METTL2A: variants seen among roughly 807,000 people sequenced by gnomAD.
The protein encoded by METTL2A is methyltransferase 2A, tRNA N3-cytidine, also known as tRNA N(3)-cytidine methyltransferase METTL2A.
METTL2A carries 45 observed loss-of-function variants against 49.4 expected under a neutral mutation model. The ratio of observed to expected loss-of-function variants is 0.91; its 90% CI spans 0.72 to 1.17. METTL2A has a LOEUF of 1.17. METTL2A is among the 50% of genes most tolerant of loss of function. The pLI, the probability that METTL2A is intolerant of heterozygous loss-of-function variation, is 0.00. For missense variants in METTL2A, 361 were observed against 462.2 expected (o/e 0.78, Z 2.01); for synonymous variants, 118 against 167.5 (o/e 0.70, Z 2.28).
At position 62,440,689 on chromosome 17, in the gene METTL2A, C is replaced by T; in HGVS notation, c.742C>T (p.Pro248Ser). 6.2e-7 allele frequency: 1 copy of T among 1,613,914 alleles called. No homozygotes were observed. Among genetic ancestry groups the T allele is most frequent in the Non-Finnish European group, 8.5e-7 (1 of 1,179,972 alleles). ...HDLCDEEKSY[P>S]VPKGSLDIII... Reference sequence around the variant, plus strand: ...CCTGTGTGATGAAGAGAAGAGTTACCCAGTGCCCAAGGGCAGTCTTGATAT... The same window carrying T: ...CCTGTGTGATGAAGAGAAGAGTTACTCAGTGCCCAAGGGCAGTCTTGATAT... The change falls in exon 6 of 9, where the codon CCA becomes TCA. Residue 248 changes from proline (P) to serine (S), a missense_variant. By Grantham distance (74) the Pro-to-Ser change is moderately conservative (BLOSUM62 -1). This residue lies in a region of METTL2A where 183 missense variants were observed against 216.5 expected (regional missense o/e 0.85). Transcript: ENST00000311506.
chr17:62,446,122 C>T (rs2070766865), intron 7 of METTL2A, among the ~76,000 whole-genome samples: 1 of 152,164 alleles, frequency 6.6e-6, no homozygotes, highest in Non-Finnish European at 1.5e-5. Flanking sequence ...GAAAGAGGTG[C>T]ATTCCTTCAT....
intron 7 of METTL2A, 28 bp from the exon 8 acceptor site, chr17:62,447,673 C>T (rs756953490): frequency 2.5e-6 from 4 of 1,613,128 alleles, no homozygotes; most frequent in Non-Finnish European, 3.4e-6. Flanking sequence ...TTTTAAGTGT[C>T]TCTGATTTTT....
chr17:62,448,927 A>G lies in METTL2A; in HGVS notation c.*198A>G, dbSNP rs1282964135. On this transcript the variant is annotated 3_prime_UTR_variant, in exon 9 of 9. Coordinates refer to ENST00000311506, the MANE Select transcript of METTL2A (RefSeq NM_181725.4). ...TGTATCTGAAAGTAATAATAAAAAT[A>G]AAAAATATAAATGAGGTCTCGTTGA... The G allele has an allele frequency of 1.5e-6, 1 of 662,142 alleles. No homozygotes were observed. Among genetic ancestry groups the G allele is most frequent in the Non-Finnish European group, 2.2e-6 (1 of 447,260 alleles). The allele number at this position is 662,142 out of a possible 1,614,324, so 41.0% of individuals were successfully genotyped here.
At chr17:62,441,694 C>T (rs879726026) in intron 6 of METTL2A, among the ~76,000 whole-genome samples, 30 of 151,274 alleles carry the variant, frequency 2.0e-4, no homozygotes, top group Non-Finnish European at 2.8e-4. Flanking sequence ...ATCTGCTTGC[C>T]TCAACCTTGC....
In METTL2A at chr17:62,424,262, A is replaced by G. The variant is rs1421125053; in HGVS notation, c.154A>G (p.Arg52Gly). Reference sequence around the variant, plus strand: ...GGAAGAGCAAGCCGCGGCGGCGGAGAGAAAAGTCCAGGAGAACAGTATCCA... The same window carrying G: ...GGAAGAGCAAGCCGCGGCGGCGGAGGGAAAAGTCCAGGAGAACAGTATCCA... Reference protein sequence around the residue: ...WSEEQAAAAERKVQENSIQRV... With the variant: ...WSEEQAAAAEGKVQENSIQRV... Residue 52 changes from arginine to glycine, a missense_variant, in exon 2 of 9, where the codon AGA (arginine) becomes GGA (glycine). This residue lies in a region of METTL2A where 150 missense variants were observed against 170.1 expected (regional missense o/e 0.88). Transcript: ENST00000311506. The G allele has an allele frequency of 3.7e-6, 6 of 1,614,060 alleles. No individual in the cohort carries two copies. Among genetic ancestry groups the G allele is most frequent in the Admixed American group, 1.7e-5 (1 of 60,004 alleles).
intron 4 of METTL2A, among the ~76,000 whole-genome samples, chr17:62,429,584 C>T (rs1022575024): frequency 5.9e-5 from 9 of 152,096 alleles, no homozygotes; most frequent in African/African-American, 2.2e-4. Context: ...AGCCACCGCG[C>T]CCAGCCTGCT....
chr17:62,449,640 G>T lies in METTL2A; in HGVS notation c.*911G>T. Reference sequence around the variant, plus strand: ...CAGGAGAATTGCTTGAACCCAGGAGGCAGAGGTTGCAGTGAGCTGAGATTG... The same window carrying T: ...CAGGAGAATTGCTTGAACCCAGGAGTCAGAGGTTGCAGTGAGCTGAGATTG... On this transcript the variant is annotated 3_prime_UTR_variant, in exon 9 of 9. Transcript: ENST00000311506. 1 of 268,992 alleles carries T rather than the reference G, an allele frequency of 3.7e-6. No homozygotes were observed. The allele number at this position is 268,992 out of a possible 1,614,324, so 16.7% of individuals were successfully genotyped here. A position where few individuals can be genotyped will look rare whatever the true frequency, so the allele number is the denominator to read the frequency against.
At position 62,449,465 on chromosome 17, in the gene METTL2A, C is replaced by T. The variant is rs2070791565; in HGVS notation, c.*736C>T. 1.6e-5 allele frequency: 7 copies of T among 439,366 alleles called. No individual in the cohort carries two copies. The highest frequency in any genetic ancestry group is 1.1e-4 in the South Asian group (7 of 62,316). 27.2% of individuals were successfully genotyped at this position (439,366 alleles called of 1,614,324 possible). A position where few individuals can be genotyped will look rare whatever the true frequency, so the allele number is the denominator to read the frequency against. ...GTGGCTCACACCTGTAATCCCAGCA[C>T]TTTGGGAGGCCAAGGCGGGCGGATC... On this transcript the variant is annotated 3_prime_UTR_variant, in exon 9 of 9. Transcript: ENST00000311506.
intron 6 of METTL2A, 48 bp downstream of exon 6, chr17:62,440,804 G>C: frequency 6.3e-7 from 1 of 1,588,768 alleles, no homozygotes. Context: ...GGAAGCTTTG[G>C]TGAGGGACCT....
At chr17:62,432,138 C>G (rs1485823886) in intron 4 of METTL2A, among the ~76,000 whole-genome samples, 2 of 152,174 alleles carry the variant, frequency 1.3e-5, no homozygotes, top group African/African-American at 4.8e-5. Context: ...CTCCCCATTT[C>G]CCAATTTCCC....
intron 4 of METTL2A, among the ~76,000 whole-genome samples, chr17:62,431,212 G>C (rs2070662989): frequency 6.6e-6 from 1 of 151,864 alleles, no homozygotes; most frequent in Non-Finnish European, 1.5e-5. Context: ...TGTTGGCCAG[G>C]CGGGTCTCGA....
chr17:62,424,530 C>T (rs2144131841), intron 2 of METTL2A, among the ~76,000 whole-genome samples: 1 of 152,202 alleles, frequency 6.6e-6, no homozygotes, highest in African/African-American at 2.4e-5. Context: ...TATAGTTTTA[C>T]TTTGGAGGAG....
rs2070787060 is a variant in METTL2A at position 62,448,872 on chromosome 17, G to A, written c.*143G>A. On this transcript the variant is annotated 3_prime_UTR_variant, in exon 9 of 9. Transcript: ENST00000311506. ...CGGGGAGGATCCATTGAGCCCAGCA[G>A]TCCAACCTGGGCAAAATAGTGAGAG... The A allele has an allele frequency of 7.6e-7, 1 of 1,319,496 alleles. No homozygotes were observed. The highest frequency in any genetic ancestry group is 1.8e-5 in the South Asian group (1 of 55,450). 81.7% of individuals were successfully genotyped at this position (1,319,496 alleles called of 1,614,324 possible). A position where few individuals can be genotyped will look rare whatever the true frequency, so the allele number is the denominator to read the frequency against.
rs776701783 is a variant in METTL2A at position 62,444,883 on chromosome 17, G to A, written c.856G>A (p.Gly286Arg). The A allele has an allele frequency of 6.2e-6, 10 of 1,613,988 alleles. No individual in the cohort carries two copies. Among genetic ancestry groups the A allele is most frequent in the Admixed American group, 1.7e-5 (1 of 59,984 alleles). The change falls in exon 7 of 9, where the codon GGG becomes AGG. Residue 286 changes from glycine (G) to arginine (R), a missense_variant. Around this residue, in one of 3 missense-constraint regions of METTL2A, gnomAD observed 183 missense variants for 216.5 expected, o/e 0.85. Coordinates refer to ENST00000311506, the MANE Select transcript of METTL2A (RefSeq NM_181725.4). ...NRLSRLLKPG[G>R]MMLLRDYGRY... ...GCTGAGCAGGCTTCTGAAACCTGGC[G>A]GGATGATGCTTCTGCGAGATTACGG...
At chr17:62,445,057 A>G in intron 7 of METTL2A, 114 bp downstream of exon 7, 1 of 1,162,722 alleles carries the variant, frequency 8.6e-7, no homozygotes. Context: ...AAAACCAAAC[A>G]CCACTTTTTC....
rs1343839735 is a variant in METTL2A at position 62,440,646 on chromosome 17, T to C, written c.699T>C (p.Cys233=). The part of the protein sequence containing the change: ...QTNSEYDPSR[C]FAFVHDLCDE... ...ATTCAGAATATGATCCTTCTCGGTGTTTTGCCTTTGTTCACGACCTGTGTG... is the reference window on the plus strand; with the variant it reads ...ATTCAGAATATGATCCTTCTCGGTGCTTTGCCTTTGTTCACGACCTGTGTG... The change falls in exon 6 of 9, where the codon TGT becomes TGC. Residue 233 remains cysteine (C), a synonymous_variant. Coordinates refer to ENST00000311506, the MANE Select transcript of METTL2A (RefSeq NM_181725.4). The C allele has an allele frequency of 3.1e-5, 50 of 1,612,694 alleles. No individual in the cohort carries two copies. The highest frequency in any genetic ancestry group is 4.1e-5 in the Non-Finnish European group (48 of 1,179,712).
intron 3 of METTL2A, among the ~76,000 whole-genome samples, chr17:62,427,363 A>G (rs549614503): frequency 6.6e-6 from 1 of 152,330 alleles, no homozygotes; most frequent in South Asian, 2.1e-4. Context: ...TAAGCCCTTA[A>G]TAAATAGTTG....
intron 4 of METTL2A, among the ~76,000 whole-genome samples, chr17:62,431,835 C>T (rs891918222): frequency 1.3e-5 from 2 of 152,142 alleles, no homozygotes; most frequent in Non-Finnish European, 2.9e-5. Context: ...ATTCTCCTGC[C>T]TCAGCCTCCT....
rs1355445936 is a variant in METTL2A at position 62,451,309 on chromosome 17, G to A, written c.*2580G>A. 6.6e-6 allele frequency among the ~76,000 whole-genome samples: 1 copy of A among 151,650 alleles called. No individual in the cohort carries two copies. The highest frequency in any genetic ancestry group is 1.5e-5 in the Non-Finnish European group (1 of 67,898). On this transcript the variant is annotated 3_prime_UTR_variant, in exon 9 of 9. Coordinates refer to ENST00000311506, the MANE Select transcript of METTL2A (RefSeq NM_181725.4). ...TTACAGGCATGTGCCACCATTCCCG[G>A]CTAATTTTTTGTATTTTTAGTAGAG...
Sources: gnomAD v4.1 joint callset for allele counts (sites outside exome capture counted in the v4.1 genomes callset) on GRCh38, gnomAD v4.1.1 for gene constraint, gnomAD v4.1.1 regional missense constraint, MANE v1.5 for transcripts, NCBI Gene and HGNC (gene_info 2026-07-23, HGNC 2026-07-21) for gene names.